The following CELF2 variants were observed in gnomAD, a reference collection of about 807,000 sequenced individuals.
CELF2 encodes the protein CUG triplet repeat RNA-binding protein 2.
Under a neutral mutation model 62.6 loss-of-function variants are expected in CELF2, and 8 were observed. The observed-to-expected ratio is 0.13, with a 90% CI of 0.07 to 0.23. The LOEUF is 0.23. CELF2 is among the 10% of genes least tolerant of loss of function. The pLI is 1.00. For missense variants in CELF2, 333 were observed against 671.0 expected (o/e 0.50, Z 5.56); for synonymous variants, 258 against 250.0 (o/e 1.03, Z -0.30).
the CELF2 span, among the ~76,000 whole-genome samples, chr10:10,554,816 C>T: frequency 2.0e-5 from 3 of 152,160 alleles, no homozygotes; most frequent in East Asian, 5.8e-4. Flanking sequence ...AAATGCACCC[C>T]TTCCAACCAC....
intron 1 of CELF2, among the ~76,000 whole-genome samples, chr10:10,904,569 C>G (rs1442277934): frequency 6.6e-6 from 1 of 152,154 alleles, no homozygotes; most frequent in Non-Finnish European, 1.5e-5. Context: ...CTCATTCTTT[C>G]TAACCACTCC....
At chr10:11,027,645 C>G (rs578114229) in intron 1 of CELF2, among the ~76,000 whole-genome samples, 1 of 152,132 alleles carries the variant, frequency 6.6e-6, no homozygotes, top group South Asian at 2.1e-4. Flanking sequence ...TCGACTTGCC[C>G]TGTATGTCGT....
chr10:11,289,305 A>G lies in CELF2; in HGVS notation c.976+753A>G, dbSNP rs12268313. On this transcript the variant is annotated intron_variant, in intron 9 of 12. Coordinates refer to ENST00000633077, the MANE Select transcript of CELF2 (RefSeq NM_001326342.2). ...AAGGAGATGGCCTGGACAGTTTCCA[A>G]GCTTCCTTCTAACTTTCAAAATCCC... 9.8e-3 allele frequency among the ~76,000 whole-genome samples: 1,496 copies of G among 152,248 alleles called. 26 individuals are homozygous for G. Among genetic ancestry groups the G allele is most frequent in the African/African-American group, 0.034 (1,406 of 41,528 alleles).
the CELF2 span, among the ~76,000 whole-genome samples, chr10:10,754,349 G>T: frequency 6.6e-6 from 1 of 151,882 alleles, no homozygotes; most frequent in Non-Finnish European, 1.5e-5. Context: ...ATGGGGTTTT[G>T]CCAGGTTTCC....
chr10:10,905,041 T>C (rs930276297), intron 1 of CELF2, among the ~76,000 whole-genome samples: 10 of 152,224 alleles, frequency 6.6e-5, no homozygotes, highest in African/African-American at 2.2e-4. Flanking sequence ...CTGTTCACAT[T>C]AGAGTTGGAC....
chr10:11,234,479 G>A (rs2070269554), intron 3 of CELF2, among the ~76,000 whole-genome samples: 1 of 152,116 alleles, frequency 6.6e-6, no homozygotes, highest in Non-Finnish European at 1.5e-5. Context: ...TCAGGAGACG[G>A]AGACCATCCT....
the CELF2 span, among the ~76,000 whole-genome samples, chr10:10,617,711 G>A: frequency 4.5e-5 from 2 of 44,770 alleles, no homozygotes; most frequent in East Asian, 3.2e-4. Context: ...CTTTGTAAAG[G>A]GGGGGGAAAT....
the CELF2 span, among the ~76,000 whole-genome samples, chr10:10,548,813 A>C: frequency 6.6e-6 from 1 of 152,338 alleles, no homozygotes; most frequent in Non-Finnish European, 1.5e-5. Context: ...AATATGCTAT[A>C]TTTAATGATT....
At chr10:10,773,657 A>T in the CELF2 span, among the ~76,000 whole-genome samples, 49 of 152,202 alleles carry the variant, frequency 3.2e-4, no homozygotes, top group African/African-American at 1.1e-3. Flanking sequence ...TACCTGCAGG[A>T]CTTTTCTAAA....
At chr10:10,504,302 T>TTTTC in the CELF2 span, among the ~76,000 whole-genome samples, 3 of 152,090 alleles carry the variant, frequency 2.0e-5, 1 homozygote, top group Admixed American at 6.5e-5. Flanking sequence ...ACTGTTCTCA[T>TTTTC]TTTCCCCTTC....
intron 2 of CELF2, among the ~76,000 whole-genome samples, chr10:10,941,942 C>A (rs564672342): frequency 2.8e-3 from 414 of 148,320 alleles, no homozygotes; most frequent in Non-Finnish European, 3.9e-3. Flanking sequence ...TGCAGTGAGC[C>A]GAGATCACAG....
At chr10:10,906,661 GTAA>G (rs1311298931) in intron 1 of CELF2, among the ~76,000 whole-genome samples, 1 of 150,152 alleles carries the variant, frequency 6.7e-6, no homozygotes, top group African/African-American at 2.5e-5. Flanking sequence ...AGAGTGTTCT[GTAA>G]TAGGCAAAGT....
chr10:10,669,876 A>G, the CELF2 span, among the ~76,000 whole-genome samples: 1 of 149,508 alleles, frequency 6.7e-6, no homozygotes, highest in African/African-American at 2.5e-5. Context: ...TTCTTGTAGG[A>G]AGGGACTGAG....
chr10:10,588,255 A>G, the CELF2 span, among the ~76,000 whole-genome samples: 1 of 152,168 alleles, frequency 6.6e-6, no homozygotes, highest in Non-Finnish European at 1.5e-5. Flanking sequence ...TGGAACTTGG[A>G]GCCACAGGAG....
At chr10:11,061,227 C>T (rs754186409) in intron 1 of CELF2, among the ~76,000 whole-genome samples, 1 of 152,128 alleles carries the variant, frequency 6.6e-6, no homozygotes, top group East Asian at 1.9e-4. Context: ...GACTTATTGC[C>T]TATATGGAGA....
Position 11,235,323 on chromosome 10 carries a change from C to T in CELF2, c.355-13830C>T, listed in dbSNP as rs1369715586. ...TTTACTCCTTAACATAAAATCTCTC[C>T]CACATGCTTGTCTCACATATTCCTC... On this transcript the variant is annotated intron_variant, in intron 3 of 12. Transcript: ENST00000633077. Among the ~76,000 whole-genome samples the T allele has an allele frequency of 2.0e-5, 3 of 152,180 alleles. No homozygotes were observed. The East Asian group carries it at 5.8e-4, about 29-fold the overall frequency.
chr10:11,301,382 T>G (rs1278138169), intron 9 of CELF2, among the ~76,000 whole-genome samples: 1 of 6,522 alleles, frequency 1.5e-4, no homozygotes, highest in South Asian at 5.7e-3. Context: ...TCCCCCCCAC[T>G]TCCCCCCTCC....
chr10:10,475,355 A>C, the CELF2 span, among the ~76,000 whole-genome samples: 4 of 152,142 alleles, frequency 2.6e-5, no homozygotes, highest in South Asian at 8.3e-4. Context: ...GACCCTTTCT[A>C]ACACACCAAT....
In CELF2 at chr10:11,011,893, A is replaced by C. The variant is rs927031595; in HGVS notation, c.53+6453A>C. On this transcript the variant is annotated intron_variant, in intron 1 of 12. Coordinates refer to the CELF2 transcript ENST00000416382. This position sits in a 1 kb window ranked among gnomAD's most constrained non-coding sequence, Gnocchi z 4.6. The stretch of plus-strand genomic sequence containing the variant: ...AGATTTGAACCATATTATAGGGAAA[A>C]AATAAATTTCCTGTGCTCAAAACCT... Among the ~76,000 whole-genome samples the C allele has an allele frequency of 6.6e-6, 1 of 152,250 alleles. No homozygotes were observed. Among genetic ancestry groups the C allele is most frequent in the African/African-American group, 2.4e-5 (1 of 41,470 alleles).
Sources: allele counts gnomAD v4.1 joint callset (sites outside exome capture counted in the v4.1 genomes callset), GRCh38; gene constraint gnomAD v4.1.1; non-coding constraint Gnocchi (gnomAD v3.1); transcripts MANE v1.5; gene names NCBI Gene and HGNC (gene_info 2026-07-23, HGNC 2026-07-21).